The following GRIA1 variants were observed in gnomAD, a reference collection of about 807,000 sequenced individuals.
GRIA1 encodes glutamate ionotropic receptor AMPA type subunit 1.
GRIA1 carries 31 observed loss-of-function variants against 99.2 expected under a neutral mutation model. That is an observed-to-expected ratio of 0.31 (90% CI 0.23 to 0.42). GRIA1 has a LOEUF of 0.42. GRIA1 is among the 10% of genes least tolerant of loss of function. The probability of loss-of-function intolerance (pLI) is 1.00; values close to 1 mark genes in which losing one functional copy is unlikely to be tolerated. For missense variants in GRIA1, 782 were observed against 1,157.5 expected (o/e 0.68, Z 4.71); for synonymous variants, 438 against 432.4 (o/e 1.01, Z -0.16).
At chr5:153,510,301 G>A (rs1286998382) in intron 2 of GRIA1, among the ~76,000 whole-genome samples, 1 of 152,122 alleles carries the variant, frequency 6.6e-6, no homozygotes, top group Non-Finnish European at 1.5e-5. Flanking sequence ...ATAAAACTGA[G>A]GATTAATCAG....
intron 11 of GRIA1, among the ~76,000 whole-genome samples, chr5:153,743,899 G>A (rs1272725073): frequency 1.3e-5 from 2 of 152,136 alleles, no homozygotes; most frequent in Non-Finnish European, 2.9e-5. Context: ...ATGCTCATTG[G>A]ACATATGTGG....
At chr5:153,576,142 G>A (rs1436210982) in intron 2 of GRIA1, among the ~76,000 whole-genome samples, 1 of 152,170 alleles carries the variant, frequency 6.6e-6, no homozygotes, top group Non-Finnish European at 1.5e-5. Context: ...CTTTAAGACA[G>A]TGATGATAAT....
At chr5:153,727,879 C>T (rs1760683265) in intron 11 of GRIA1, among the ~76,000 whole-genome samples, 1 of 150,904 alleles carries the variant, frequency 6.6e-6, no homozygotes, top group Admixed American at 6.6e-5. Context: ...ATTGGAAAAA[C>T]TACTTTAAAG....
At chr5:153,684,059 A>T (rs1757177186) in intron 7 of GRIA1, among the ~76,000 whole-genome samples, 1 of 152,224 alleles carries the variant, frequency 6.6e-6, no homozygotes, top group Admixed American at 6.5e-5. Flanking sequence ...AGATACCAGA[A>T]GTTACCAGAA....
intron 11 of GRIA1, among the ~76,000 whole-genome samples, chr5:153,750,639 G>C (rs529674386): frequency 6.6e-6 from 1 of 152,066 alleles, no homozygotes; most frequent in Non-Finnish European, 1.5e-5. Flanking sequence ...TGCTCCCCCT[G>C]CCCCTATACC....
rs980145060 is a variant in GRIA1 at position 153,499,628 on chromosome 5, A to C, written c.220+5563A>C. On this transcript the variant is annotated intron_variant, in intron 2 of 15. Transcript: ENST00000285900. ...GAATTTGTCTCAAAAAAAAAAAAAA[A>C]AAAAAAAAAAAACTATGAATATATG... is the stretch of plus-strand genomic sequence containing the variant. Among the ~76,000 whole-genome samples the C allele has an allele frequency of 7.3e-5, 11 of 150,898 alleles. No individual in the cohort carries two copies. The East Asian group carries it at 1.2e-3, about 16-fold the overall frequency.
At chr5:153,727,853 T>A (rs2149552351) in intron 11 of GRIA1, among the ~76,000 whole-genome samples, 1 of 151,986 alleles carries the variant, frequency 6.6e-6, no homozygotes, top group Middle Eastern at 3.4e-3. Context: ...AAGCTACCAA[T>A]GACTTTCTTC....
chr5:153,730,722 C>T (rs1005189442), intron 11 of GRIA1, among the ~76,000 whole-genome samples: 16 of 152,058 alleles, frequency 1.1e-4, no homozygotes, highest in Non-Finnish European at 1.0e-4. Flanking sequence ...GAAAGTAAAG[C>T]GGTAGATAAC....
At chr5:153,665,934 T>C (rs929021957) in intron 5 of GRIA1, among the ~76,000 whole-genome samples, 2 of 152,194 alleles carry the variant, frequency 1.3e-5, no homozygotes, top group Non-Finnish European at 2.9e-5. Context: ...CCAAAGTTCT[T>C]ATTTTGCAGA....
chr5:153,661,128 T>C (rs1226607108), intron 5 of GRIA1, among the ~76,000 whole-genome samples: 1 of 152,204 alleles, frequency 6.6e-6, no homozygotes, highest in Non-Finnish European at 1.5e-5. Flanking sequence ...CCTGTGGTGA[T>C]AAATCTGTCA....
In GRIA1 at chr5:153,787,333, C is replaced by T. The variant is rs796738287; in HGVS notation, c.2271-7288C>T. 1.1e-4 allele frequency among the ~76,000 whole-genome samples: 17 copies of T among 152,262 alleles called. 1 individual carries two copies. Among genetic ancestry groups the T allele is most frequent in the African/African-American group, 4.1e-4 (17 of 41,560 alleles). ...GTTCCAGTGGCTGAATATCAGGGCT[C>T]AGGCATTAGAGGATTCTTTTTGTTC... On this transcript the variant is annotated intron_variant, in intron 13 of 15. Coordinates refer to ENST00000285900, the MANE Select transcript of GRIA1 (RefSeq NM_000827.4).
intron 11 of GRIA1, among the ~76,000 whole-genome samples, chr5:153,760,224 A>G (rs2149602367): frequency 6.6e-6 from 1 of 152,124 alleles, no homozygotes; most frequent in African/African-American, 2.4e-5. Context: ...AAAATAAAGA[A>G]CATTCAAATT....
chr5:153,804,439 C>A (rs548075564), intron 15 of GRIA1, among the ~76,000 whole-genome samples: 1 of 152,004 alleles, frequency 6.6e-6, no homozygotes, highest in Non-Finnish European at 1.5e-5. Flanking sequence ...AAGGTTACTC[C>A]GGTGGCAAAA....
At chr5:153,807,165 T>C (rs1208745902) in intron 15 of GRIA1, among the ~76,000 whole-genome samples, 1 of 152,202 alleles carries the variant, frequency 6.6e-6, no homozygotes. Context: ...CCCTTTGACA[T>C]GTCGATGAGC....
At chr5:153,600,099 T>G (rs1229687674) in intron 2 of GRIA1, among the ~76,000 whole-genome samples, 2 of 151,854 alleles carry the variant, frequency 1.3e-5, no homozygotes, top group Non-Finnish European at 2.9e-5. Context: ...GTAATAGAAG[T>G]ATGGAGTCTG....
At chr5:153,739,350 C>T (rs933258466) in intron 11 of GRIA1, among the ~76,000 whole-genome samples, 2 of 152,140 alleles carry the variant, frequency 1.3e-5, no homozygotes, top group South Asian at 2.1e-4. Context: ...CTTTCTGTGG[C>T]GAACTCATTC....
chr5:153,615,682 C>T (rs1208809389), intron 2 of GRIA1, among the ~76,000 whole-genome samples: 1 of 152,130 alleles, frequency 6.6e-6, no homozygotes, highest in Non-Finnish European at 1.5e-5. Context: ...AAAGTAAACG[C>T]CACCATCACT....
intron 2 of GRIA1, among the ~76,000 whole-genome samples, chr5:153,601,768 T>C (rs991041661): frequency 1.3e-5 from 2 of 152,212 alleles, no homozygotes; most frequent in African/African-American, 4.8e-5. Flanking sequence ...AGTTTTTGAA[T>C]TGTAAGGGAC....
chr5:153,521,835 T>C (rs17588123), intron 2 of GRIA1, among the ~76,000 whole-genome samples: 46,294 of 152,118 alleles, frequency 0.3, 8,328 homozygotes, highest in Non-Finnish European at 0.41. Context: ...TCACATTGAA[T>C]CTGATTTATG....
Sources: gnomAD v4.1 joint callset for allele counts (sites outside exome capture counted in the v4.1 genomes callset) on GRCh38, gnomAD v4.1.1 for gene constraint, MANE v1.5 for transcripts, NCBI Gene and HGNC (gene_info 2026-07-23, HGNC 2026-07-21) for gene names.